ZNF808: variants seen among roughly 807,000 people sequenced by gnomAD.
ZNF808 encodes the protein zinc finger protein 808.
ZNF808 carries 5 observed loss-of-function variants against 8.7 expected under a neutral mutation model. That is an observed-to-expected ratio of 0.58 (90% CI 0.30 to 1.21). ZNF808 has a LOEUF of 1.21. Ranked by LOEUF, ZNF808 falls within the 50% of genes most tolerant of loss-of-function variation. The pLI is 0.07. For missense variants in ZNF808, 1,103 were observed against 1,098.4 expected (o/e 1.00, Z -0.06); for synonymous variants, 380 against 366.0 (o/e 1.04, Z -0.44).
At chr19:52,536,708 T>G (rs2615586) in intron 2 of ZNF808, among the ~76,000 whole-genome samples, 49,635 of 151,550 alleles carry the variant, frequency 0.33, 8,737 homozygotes, top group East Asian at 0.52. Context: ...CTGGTGGCAA[T>G]GAGAACAGAG....
At chr19:52,542,294 A>G (rs1599984510) in intron 2 of ZNF808, among the ~76,000 whole-genome samples, 1 of 152,024 alleles carries the variant, frequency 6.6e-6, no homozygotes. Context: ...CCATGTCCCT[A>G]TGGGTCTGTG....
intron 4 of ZNF808, among the ~76,000 whole-genome samples, chr19:52,548,324 C>A (rs1295358108): frequency 6.6e-6 from 1 of 152,206 alleles, no homozygotes; most frequent in Non-Finnish European, 1.5e-5. Flanking sequence ...TGGTTTTCAT[C>A]AATCTTATTG....
At chr19:52,543,475 C>T (rs973855304) in intron 3 of ZNF808, 128 bp downstream of exon 3, 29 of 1,376,544 alleles carry the variant, frequency 2.1e-5, no homozygotes, top group South Asian at 2.8e-5. Context: ...TTGCCTGACA[C>T]GTTCACTTGC....
chr19:52,544,382 G>C (rs1379601657), intron 3 of ZNF808, among the ~76,000 whole-genome samples: 2 of 152,172 alleles, frequency 1.3e-5, no homozygotes, highest in Admixed American at 1.3e-4. Context: ...CAAAGCTGGA[G>C]CGCAGTGGTA....
chr19:52,560,962 T>C (rs1432983859), downstream of ZNF808, among the ~76,000 whole-genome samples: 5 of 151,992 alleles, frequency 3.3e-5, no homozygotes, highest in South Asian at 4.1e-4. Flanking sequence ...CCTCCAACAC[T>C]ACTCTCACTG....
At chr19:52,536,107 C>T (rs563023710) in intron 2 of ZNF808, 2 of 153,334 alleles carry the variant, frequency 1.3e-5, no homozygotes, top group African/African-American at 4.8e-5. Context: ...GCGTCTGTCC[C>T]TGGAAAGTGG....
At position 52,554,460 on chromosome 19, in the gene ZNF808, AGT is replaced by A. The variant is rs771307577; in HGVS notation, c.1548_1549del (p.Cys516TrpfsTer15). 1.2e-5 allele frequency: 20 copies of A among 1,614,176 alleles called. No homozygotes were observed. Among genetic ancestry groups the A allele is most frequent in the Non-Finnish European group, 1.6e-5 (19 of 1,180,010 alleles). On this transcript the variant is annotated frameshift_variant, in exon 5 of 5. Coordinates refer to ENST00000359798, the MANE Select transcript of ZNF808 (RefSeq NM_001039886.4). LOFTEE classifies it low-confidence loss of function (END_TRUNC). ...GGTGAAAAACCTTACAAGTGTAATC[AGT>A]GTGGCAATACCTTCCGTCACCGGGC...
At chr19:52,535,002 A>G (rs1481666383) in intron 2 of ZNF808, among the ~76,000 whole-genome samples, 2 of 151,982 alleles carry the variant, frequency 1.3e-5, no homozygotes, top group Admixed American at 6.6e-5. Context: ...TTGGATCTCT[A>G]TGTCACACCA....
intron 2 of ZNF808, among the ~76,000 whole-genome samples, chr19:52,539,680 A>C (rs2123111970): frequency 6.7e-6 from 1 of 148,704 alleles, no homozygotes; most frequent in East Asian, 2.0e-4. Flanking sequence ...CAGCCTCCTG[A>C]GTAGTTATGA....
At chr19:52,540,880 C>T (rs1185193333) in intron 2 of ZNF808, among the ~76,000 whole-genome samples, 2 of 152,108 alleles carry the variant, frequency 1.3e-5, no homozygotes, top group Admixed American at 6.6e-5. Flanking sequence ...GGGATTGATG[C>T]CATCAGAACC....
Position 52,553,816 on chromosome 19 carries a change from A to C in ZNF808, c.900A>C (p.Ser300=). The C allele has an allele frequency of 6.2e-7, 1 of 1,614,168 alleles. No homozygotes were observed. Among genetic ancestry groups the C allele is most frequent in the Non-Finnish European group, 8.5e-7 (1 of 1,180,022 alleles). The change falls in exon 5 of 5, where the codon TCA becomes TCC. Residue 300 remains serine, a synonymous_variant. Coordinates refer to ENST00000359798, the MANE Select transcript of ZNF808 (RefSeq NM_001039886.4). Reference sequence around the variant, plus strand: ...GTGGAAAGTCCTTCAGTTACAAGTCATCCCTTACATGCCATCATAGACTTC... The same window carrying C: ...GTGGAAAGTCCTTCAGTTACAAGTCCTCCCTTACATGCCATCATAGACTTC... ...KECGKSFSYK[S]SLTCHHRLHT... is the part of the protein sequence containing the mutation.
At chr19:52,532,439 A>T (rs2059569178) in intron 1 of ZNF808, among the ~76,000 whole-genome samples, 2 of 152,112 alleles carry the variant, frequency 1.3e-5, no homozygotes, top group South Asian at 4.1e-4. Flanking sequence ...TTATTTGATA[A>T]TACAGAATTT....
chr19:52,537,170 GAGTGAAACTCTTTCTCAAA>G (rs1167797239), intron 2 of ZNF808, among the ~76,000 whole-genome samples: 1 of 141,556 alleles, frequency 7.1e-6, no homozygotes, highest in Non-Finnish European at 1.5e-5. Flanking sequence ...TGGGCAACAA[GAGTGAAACTCTTTCTCAAA>G]AAAAAAGCGG....
At chr19:52,566,488 G>A (rs537440718), downstream of ZNF808, among the ~76,000 whole-genome samples, 455 of 152,178 alleles carry the variant, frequency 3.0e-3, 1 homozygote, top group Middle Eastern at 0.017. Flanking sequence ...TCTAGTATTA[G>A]ATTGAAATAA....
At position 52,547,364 on chromosome 19, in the gene ZNF808, G is replaced by A. The variant is rs766492843; in HGVS notation, c.64-148G>A. ...AAAGTACAATAAAATGCAACTATAC[G>A]GAAAAAATAGTCAAAAATACCTTAA... On this transcript the variant is annotated intron_variant, in intron 3 of 4. Transcript: ENST00000359798. The A allele has an allele frequency of 3.4e-6, 5 of 1,474,682 alleles. No homozygotes were observed. In the Admixed American group the frequency reaches 7.4e-5, roughly 22 times the overall value. The allele number at this position is 1,474,682 out of a possible 1,614,324, so 91.3% of individuals were successfully genotyped here. A position where few individuals can be genotyped will look rare whatever the true frequency, so the allele number is the denominator to read the frequency against.
downstream of ZNF808, among the ~76,000 whole-genome samples, chr19:52,560,668 A>G (rs985056837): frequency 1.3e-5 from 2 of 152,116 alleles, no homozygotes; most frequent in Non-Finnish European, 2.9e-5. Flanking sequence ...TCCCTTGCCC[A>G]TATTGTAATT....
At chr19:52,535,825 CG>C (rs1389068193) in intron 2 of ZNF808, among the ~76,000 whole-genome samples, 15 of 152,132 alleles carry the variant, frequency 9.9e-5, no homozygotes, top group Non-Finnish European at 2.1e-4. Flanking sequence ...CTCCAAACAC[CG>C]AAAAAAACAG....
chr19:52,550,070 T>G (rs326449), intron 4 of ZNF808, among the ~76,000 whole-genome samples: 1 of 151,958 alleles, frequency 6.6e-6, no homozygotes, highest in Non-Finnish European at 1.5e-5. Context: ...GTACTGCCTG[T>G]GCTGACTATT....
At chr19:52,563,332 G>T (rs1210181075) in exon 4 of ZNF808, 2 of 152,096 alleles carry the variant, frequency 1.3e-5, no homozygotes, top group Non-Finnish European at 2.9e-5. Context: ...TTCAGTAAGT[G>T]GTATGCCTGG....
Sources: allele counts gnomAD v4.1 joint callset (sites outside exome capture counted in the v4.1 genomes callset), GRCh38; gene constraint gnomAD v4.1.1; transcripts MANE v1.5; gene names NCBI Gene and HGNC (gene_info 2026-07-23, HGNC 2026-07-21).